Variants in DCC observed in about 807,000 individuals in gnomAD.
DCC encodes DCC netrin 1 receptor.
DCC carries 58 observed loss-of-function variants against 172.5 expected under a neutral mutation model. That is an observed-to-expected ratio of 0.34 (90% CI 0.27 to 0.42). The LOEUF (loss-of-function observed/expected upper bound fraction) is 0.42. Among genes scored for constraint, DCC ranks in the 10% least tolerant of loss-of-function variants. The pLI, the probability that DCC is intolerant of heterozygous loss-of-function variation, is 1.00. For synonymous variants in DCC, 709 were observed against 644.5 expected, an observed-to-expected ratio of 1.10 and a Z score of -1.52; for missense variants, 1,740 against 1,791.0, an observed-to-expected ratio of 0.97 and a Z score of 0.51.
chr18:53,306,788 C>A (rs1039112939), intron 13 of DCC, among the ~76,000 whole-genome samples: 1 of 152,168 alleles, frequency 6.6e-6, no homozygotes, highest in African/African-American at 2.4e-5. Flanking sequence ...ATATCTTGAG[C>A]TACTGCCAGA....
At chr18:53,437,560 G>T (rs1912022731) in intron 22 of DCC, among the ~76,000 whole-genome samples, 2 of 125,732 alleles carry the variant, frequency 1.6e-5, no homozygotes, top group Admixed American at 1.9e-4. Flanking sequence ...TACAGCCTGG[G>T]CAACAGAGCA....
intron 1 of DCC, among the ~76,000 whole-genome samples, chr18:52,650,534 GTC>G (rs1434213729): frequency 6.6e-6 from 1 of 151,560 alleles, no homozygotes; most frequent in African/African-American, 2.4e-5. Context: ...TGTTTTTTTT[GTC>G]TGTTTGTTTG....
intron 7 of DCC, among the ~76,000 whole-genome samples, chr18:53,108,819 T>A (rs1056566302): frequency 6.6e-6 from 1 of 151,620 alleles, no homozygotes; most frequent in South Asian, 2.1e-4. Context: ...AATTTACTTA[T>A]GCGTTCTACC....
chr18:53,149,526 G>C (rs1490486661), intron 7 of DCC, among the ~76,000 whole-genome samples: 1 of 152,160 alleles, frequency 6.6e-6, no homozygotes, highest in African/African-American at 2.4e-5. Context: ...TGATGCCCTA[G>C]CCACCTCGCC....
chr18:52,965,340 AT>A (rs963795727), intron 5 of DCC, among the ~76,000 whole-genome samples: 27 of 150,856 alleles, frequency 1.8e-4, no homozygotes, highest in South Asian at 4.2e-4. Context: ...GACATGCTTG[AT>A]TTTTTTTTTC....
chr18:53,364,330 T>C (rs1028459002), intron 15 of DCC, among the ~76,000 whole-genome samples: 1 of 152,152 alleles, frequency 6.6e-6, no homozygotes, highest in African/African-American at 2.4e-5. Context: ...TATTTTTTTT[T>C]CTTTTTTCAT....
At chr18:53,422,214 A>G (rs960964367) in intron 21 of DCC, among the ~76,000 whole-genome samples, 2 of 152,190 alleles carry the variant, frequency 1.3e-5, no homozygotes, top group African/African-American at 4.8e-5. Context: ...CCTGGAAGAC[A>G]CTACCAGCAC....
Position 53,007,599 on chromosome 18 carries a change from A to T in DCC, c.986-55706A>T, listed in dbSNP as rs60951357. ...GAGAATAAAAACTAAACTTCCTGTA[A>T]TTTTTTTCTCTGTGTGTATATATAC... On this transcript the variant is annotated intron_variant, in intron 5 of 28. Coordinates refer to ENST00000442544, the MANE Select transcript of DCC (RefSeq NM_005215.4). Among the ~76,000 whole-genome samples, 1,270 of 152,074 alleles carry T rather than the reference A, an allele frequency of 8.4e-3. 27 individuals carry two copies. The highest frequency in any genetic ancestry group is 0.03 in the African/African-American group (1,228 of 41,494).
intron 1 of DCC, among the ~76,000 whole-genome samples, chr18:52,701,050 A>G (rs2036115738): frequency 6.6e-6 from 1 of 152,196 alleles, no homozygotes; most frequent in Non-Finnish European, 1.5e-5. Flanking sequence ...AGTGACTAAC[A>G]TTGTTTGGGA....
intron 1 of DCC, among the ~76,000 whole-genome samples, chr18:52,369,881 A>C (rs567252737): frequency 6.6e-6 from 1 of 152,186 alleles, no homozygotes; most frequent in Non-Finnish European, 1.5e-5. Context: ...CCTGAATATG[A>C]TTGGGAAAAT....
chr18:53,333,121 A>T (rs142507799), intron 14 of DCC, among the ~76,000 whole-genome samples: 1 of 152,326 alleles, frequency 6.6e-6, no homozygotes, highest in East Asian at 1.9e-4. Context: ...TAGGATGGTA[A>T]AAGAATACAA....
chr18:52,614,309 A>G (rs1383176001), intron 1 of DCC, among the ~76,000 whole-genome samples: 1 of 152,218 alleles, frequency 6.6e-6, no homozygotes, highest in East Asian at 1.9e-4. Context: ...GGCCTTCAGT[A>G]GGAACTCTGG....
chr18:52,981,965 G>C (rs901906469), intron 5 of DCC, among the ~76,000 whole-genome samples: 8 of 152,140 alleles, frequency 5.3e-5, no homozygotes, highest in Non-Finnish European at 1.2e-4. Context: ...AGGCATTCCA[G>C]GCAGGAAACC....
intron 11 of DCC, among the ~76,000 whole-genome samples, chr18:53,211,855 C>G (rs948295831): frequency 6.6e-6 from 1 of 152,068 alleles, no homozygotes; most frequent in African/African-American, 2.4e-5. Context: ...CGAGAACAGT[C>G]TGGCCAACAT....
At position 53,090,220 on chromosome 18, in the gene DCC, C is replaced by G. The variant is rs531840479; in HGVS notation, c.1261+24054C>G. Among the ~76,000 whole-genome samples the G allele has an allele frequency of 4.6e-5, 7 of 152,260 alleles. No individual in the cohort carries two copies. In the South Asian group the frequency reaches 1.2e-3, roughly 27 times the overall value. On this transcript the variant is annotated intron_variant, in intron 7 of 28. Transcript: ENST00000442544. ...AAATACAAGAAAATGTTCTTAATAGCAACTGTATTTCTTTAAAGGCAAATA... is the reference window on the plus strand; with the variant it reads ...AAATACAAGAAAATGTTCTTAATAGGAACTGTATTTCTTTAAAGGCAAATA...
chr18:53,157,596 G>A (rs867315699), intron 8 of DCC, 84 bp downstream of exon 8: 6 of 1,428,574 alleles, frequency 4.2e-6, no homozygotes, highest in Middle Eastern at 1.7e-4. Context: ...AGGAGATCTT[G>A]GGCAGGAACT....
intron 25 of DCC, among the ~76,000 whole-genome samples, chr18:53,468,762 A>T (rs2045659228): frequency 6.6e-6 from 1 of 152,154 alleles, no homozygotes; most frequent in Non-Finnish European, 1.5e-5. Flanking sequence ...GCAGATGTTG[A>T]CAGACACCCA....
At chr18:53,455,171 G>A (rs374708435) in intron 23 of DCC, among the ~76,000 whole-genome samples, 14 of 152,270 alleles carry the variant, frequency 9.2e-5, no homozygotes, top group African/African-American at 3.4e-4. Context: ...CCCCTGGTGG[G>A]TCAGAATGTT....
chr18:53,047,707 T>A (rs1210491673), intron 5 of DCC, among the ~76,000 whole-genome samples: 1 of 151,304 alleles, frequency 6.6e-6, no homozygotes. Context: ...AGAGAGATAA[T>A]CTTTACCTCT....
Sources: allele counts gnomAD v4.1 joint callset (sites outside exome capture counted in the v4.1 genomes callset), GRCh38; gene constraint gnomAD v4.1.1; transcripts MANE v1.5; gene names NCBI Gene and HGNC (gene_info 2026-07-23, HGNC 2026-07-21).